The following NFIC variants were observed in gnomAD, a reference collection of about 807,000 sequenced individuals.
The protein encoded by NFIC is nuclear factor I C.
NFIC carries 12 observed loss-of-function variants against 54.4 expected under a neutral mutation model. The observed-to-expected ratio is 0.22, with a 90% CI of 0.14 to 0.36. NFIC has a LOEUF of 0.36. Ranked by LOEUF, NFIC falls within the 10% of genes least tolerant of loss-of-function variation. The pLI is 1.00. For missense variants in NFIC, 575 were observed against 718.2 expected, an observed-to-expected ratio of 0.80 and a Z score of 2.28; for synonymous variants, 322 against 319.2, an observed-to-expected ratio of 1.01 and a Z score of -0.09.
intron 3 of NFIC, among the ~76,000 whole-genome samples, chr19:3,429,786 C>T (rs1166509489): frequency 6.6e-6 from 1 of 152,192 alleles, no homozygotes; most frequent in Non-Finnish European, 1.5e-5. Flanking sequence ...TCCAACCCTG[C>T]TGGCCTGCAA....
chr19:3,433,416 TC>T (rs1171994850), intron 3 of NFIC, 101 bp from the exon 4 acceptor site: 35 of 1,254,300 alleles, frequency 2.8e-5, no homozygotes, highest in Non-Finnish European at 3.8e-5. Context: ...AGGGGGAACG[TC>T]CAGGCTCGGG....
At chr19:3,359,901 C>A (rs1251789794) in intron 1 of NFIC, among the ~76,000 whole-genome samples, 2 of 150,310 alleles carry the variant, frequency 1.3e-5, no homozygotes, top group Admixed American at 1.3e-4. Context: ...CGCGGGGCGC[C>A]GCGGGAGACC....
chr19:3,424,383 C>G (rs939096307), intron 2 of NFIC, among the ~76,000 whole-genome samples: 4 of 149,526 alleles, frequency 2.7e-5, no homozygotes, highest in Non-Finnish European at 4.4e-5. Context: ...TGGGGACTTG[C>G]TATGTTGCTC....
chr19:3,399,366 C>G (rs1388724290), intron 2 of NFIC, among the ~76,000 whole-genome samples: 1 of 151,920 alleles, frequency 6.6e-6, no homozygotes, highest in Admixed American at 6.6e-5. Context: ...CACTTGAGGC[C>G]AGGAGTTCAA....
intron 2 of NFIC, among the ~76,000 whole-genome samples, chr19:3,395,446 C>A (rs2081446386): frequency 6.6e-6 from 1 of 150,542 alleles, no homozygotes; most frequent in East Asian, 2.0e-4. Flanking sequence ...ACCTTAGCCT[C>A]CTAAGTCGCT....
chr19:3,435,254 C>G lies in NFIC; in HGVS notation c.958+47C>G, dbSNP rs376022250. 4.0e-6 allele frequency: 6 copies of G among 1,510,520 alleles called. No individual in the cohort carries two copies. In the South Asian group the frequency reaches 6.2e-5, roughly 16 times the overall value. 93.6% of individuals were successfully genotyped at this position (1,510,520 alleles called of 1,614,324 possible). A position where few individuals can be genotyped will look rare whatever the true frequency, so the allele number is the denominator to read the frequency against. ...GAGCCGGCCTTCCGGTCTGAGTCAC[C>G]GTGGCGGGAACTACGTCTTCCGGCA... is the stretch of plus-strand genomic sequence containing the variant. On this transcript the variant is annotated intron_variant, in intron 6 of 10. Transcript: ENST00000443272.
intron 2 of NFIC, among the ~76,000 whole-genome samples, chr19:3,412,239 C>T (rs758467083): frequency 3.3e-5 from 5 of 151,748 alleles, no homozygotes; most frequent in Admixed American, 6.6e-5. Flanking sequence ...CAGGCCACCA[C>T]GCTGGGCTAA....
At chr19:3,449,436 C>T (rs2082423145) in intron 7 of NFIC, among the ~76,000 whole-genome samples, 1 of 152,014 alleles carries the variant, frequency 6.6e-6, no homozygotes, top group Admixed American at 6.6e-5. Flanking sequence ...CCATTCCAAC[C>T]CCAGACACTG....
rs1381106122 is a variant in NFIC at position 3,453,736 on chromosome 19, T to G, written c.1270-27T>G. The G allele has an allele frequency of 7.6e-6, 12 of 1,588,892 alleles. No individual in the cohort carries two copies. The highest frequency in any genetic ancestry group is 1.4e-5 in the African/African-American group (1 of 72,824). On this transcript the variant is annotated intron_variant, in intron 8 of 10. Transcript: ENST00000443272. This position sits in a 1 kb window ranked among gnomAD's most constrained non-coding sequence, Gnocchi z 6.7. ...CGAGGTAGAGGGGGAGCCCACCCCT[T>G]AACCACGTGTCTCTCTGTTCCCCCA...
chr19:3,405,249 C>G (rs2081629147), intron 2 of NFIC, among the ~76,000 whole-genome samples: 3 of 152,222 alleles, frequency 2.0e-5, no homozygotes, highest in Non-Finnish European at 4.4e-5. Context: ...TCCTGGAGGT[C>G]ACCCCGTCCA....
chr19:3,407,143 T>C (rs529954581), intron 2 of NFIC, among the ~76,000 whole-genome samples: 2 of 152,308 alleles, frequency 1.3e-5, no homozygotes, highest in South Asian at 2.1e-4. Flanking sequence ...AGGTGGAGTC[T>C]CGCTCTGTCG....
chr19:3,434,220 C>T, intron 4 of NFIC, 57 bp from the exon 5 acceptor site: 1 of 1,560,450 alleles, frequency 6.4e-7, no homozygotes, highest in Non-Finnish European at 8.6e-7. Flanking sequence ...CTCTCTAAAG[C>T]AAACCGCAGC....
intron 7 of NFIC, 75 bp downstream of exon 7, chr19:3,449,214 A>T (rs1215089146): frequency 1.9e-6 from 3 of 1,539,052 alleles, no homozygotes; most frequent in Non-Finnish European, 2.6e-6. Context: ...GGGAAGTCCC[A>T]CTGGATGTCT....
At chr19:3,437,404 C>T (rs1226170816) in intron 6 of NFIC, among the ~76,000 whole-genome samples, 1 of 151,600 alleles carries the variant, frequency 6.6e-6, no homozygotes, top group Non-Finnish European at 1.5e-5. Context: ...TTCCGGCACT[C>T]GGACGCATCT....
intron 3 of NFIC, among the ~76,000 whole-genome samples, chr19:3,429,388 G>A (rs1018460086): frequency 1.3e-5 from 2 of 151,654 alleles, no homozygotes; most frequent in African/African-American, 4.8e-5. Flanking sequence ...AGACCAGCCT[G>A]GGTAACATAG....
intron 2 of NFIC, among the ~76,000 whole-genome samples, chr19:3,408,053 T>C (rs540357610): frequency 6.6e-6 from 1 of 152,216 alleles, no homozygotes; most frequent in African/African-American, 2.4e-5. Context: ...GTTCTCTCTT[T>C]AGCTGGCTGA....
At chr19:3,436,867 G>A (rs1226933810) in intron 6 of NFIC, among the ~76,000 whole-genome samples, 1 of 152,128 alleles carries the variant, frequency 6.6e-6, no homozygotes, top group African/African-American at 2.4e-5. Flanking sequence ...AGCCCTGCCC[G>A]TGTCTAGCTC....
rs2080950527 is a variant in NFIC at position 3,369,066 on chromosome 19, C to G, written c.30+2400C>G. Among the ~76,000 whole-genome samples, 1 of 151,974 alleles carries G rather than the reference C, an allele frequency of 6.6e-6. No homozygotes were observed. Among genetic ancestry groups the G allele is most frequent in the Non-Finnish European group, 1.5e-5 (1 of 67,990 alleles). On this transcript the variant is annotated intron_variant, in intron 1 of 10. Transcript: ENST00000443272. This position sits in a 1 kb window ranked among gnomAD's most constrained non-coding sequence, Gnocchi z 4.3. ...CTGTCTCTCTGATGTCTCAGTCTCT[C>G]CCACTGTCTCTGTCTCTTCATGTCT...
At chr19:3,462,704 C>G (rs1292426098) in intron 10 of NFIC, 48 bp from the exon 11 acceptor site, 4 of 1,603,990 alleles carry the variant, frequency 2.5e-6, no homozygotes, top group African/African-American at 1.3e-5. Context: ...CCCTCGACTT[C>G]TCTCCCTTTT....
Sources: gnomAD v4.1 joint callset for allele counts (sites outside exome capture counted in the v4.1 genomes callset) on GRCh38, gnomAD v4.1.1 for gene constraint, Gnocchi (gnomAD v3.1) non-coding constraint, MANE v1.5 for transcripts, NCBI Gene and HGNC (gene_info 2026-07-23, HGNC 2026-07-21) for gene names.